Variants in PCDHGA4 observed in about 807,000 individuals in gnomAD.
PCDHGA4 encodes protocadherin gamma-A4.
In PCDHGA4, 38 loss-of-function variants were observed where a neutral mutation model predicts 54.6. The ratio of observed to expected loss-of-function variants is 0.70; its 90% CI spans 0.54 to 0.91. The LOEUF (loss-of-function observed/expected upper bound fraction) is 0.91, where lower values mean the gene tolerates loss of function less well. Ranked by LOEUF, PCDHGA4 falls within the 40% of genes least tolerant of loss-of-function variation. The pLI, the probability that PCDHGA4 is intolerant of heterozygous loss-of-function variation, is 0.00. For missense variants in PCDHGA4, 1,298 were observed against 1,220.9 expected (o/e 1.06, Z -0.94); for synonymous variants, 511 against 512.9 (o/e 1.00, Z 0.05).
intron 1 of PCDHGA4, chr5:141,394,655 G>A (rs780779279): frequency 2.7e-5 from 43 of 1,613,284 alleles, no homozygotes; most frequent in Admixed American, 5.0e-5. Flanking sequence ...CCAGCGAGCC[G>A]GGACTCTTCT....
chr5:141,422,259 C>T (rs751340056), intron 1 of PCDHGA4: 2 of 1,565,034 alleles, frequency 1.3e-6, no homozygotes, highest in Non-Finnish European at 1.7e-6. Flanking sequence ...TGAATGATAA[C>T]GCTCCAGAAA....
At chr5:141,370,453 T>G in intron 1 of PCDHGA4, 1 of 1,611,650 alleles carries the variant, frequency 6.2e-7, no homozygotes, top group Non-Finnish European at 8.5e-7. Flanking sequence ...CTATTTCTCT[T>G]CCTGCTCTCT....
At chr5:141,458,987 C>A (rs2098958554) in intron 1 of PCDHGA4, among the ~76,000 whole-genome samples, 1 of 152,168 alleles carries the variant, frequency 6.6e-6, no homozygotes, top group Non-Finnish European at 1.5e-5. Context: ...CCTGCCTCAC[C>A]CTCCCAAAGT....
chr5:141,460,959 A>G (rs892536901), intron 1 of PCDHGA4, among the ~76,000 whole-genome samples: 2 of 126,082 alleles, frequency 1.6e-5, no homozygotes, highest in African/African-American at 7.1e-5. Context: ...ATGTATATAT[A>G]TATGTGTGTG....
At chr5:141,413,330 T>C (rs770842309) in intron 1 of PCDHGA4, 1 of 1,613,930 alleles carries the variant, frequency 6.2e-7, no homozygotes. Context: ...GTGGGCAACA[T>C]CTCCAAGGAC....
intron 1 of PCDHGA4, among the ~76,000 whole-genome samples, chr5:141,488,236 T>A (rs1333427955): frequency 6.6e-6 from 1 of 152,154 alleles, no homozygotes; most frequent in Admixed American, 6.5e-5. Context: ...TTGAACTAGA[T>A]GCGGTAAATT....
In PCDHGA4 at chr5:141,487,883, G is replaced by A; in HGVS notation, c.2515-6924G>A. ...GGTGATCAAGAGCCAGGCTGTTGTG[G>A]AAGCATGATGATGGAATGTGGGAGC... is the stretch of plus-strand genomic sequence containing the variant. On this transcript the variant is annotated intron_variant, in intron 1 of 3. Transcript: ENST00000571252. This position sits in a 1 kb window ranked among gnomAD's most constrained non-coding sequence, Gnocchi z 5.0. The A allele has an allele frequency of 1.3e-6, 1 of 766,586 alleles. No homozygotes were observed. The highest frequency in any genetic ancestry group is 1.8e-5 in the South Asian group (1 of 55,094). 47.5% of individuals were successfully genotyped at this position (766,586 alleles called of 1,614,324 possible).
At chr5:141,393,189 A>G (rs1561640968) in intron 1 of PCDHGA4, 1 of 1,613,404 alleles carries the variant, frequency 6.2e-7, no homozygotes, top group Admixed American at 1.7e-5. Context: ...AATAATTGAT[A>G]TTAACGATAA....
At chr5:141,376,171 G>C (rs758847977) in intron 1 of PCDHGA4, 5 of 1,614,096 alleles carry the variant, frequency 3.1e-6, no homozygotes. Flanking sequence ...TGGTGGTGGC[G>C]GTGGCCGCGG....
intron 3 of PCDHGA4, among the ~76,000 whole-genome samples, chr5:141,510,553 A>G (rs1471878583): frequency 6.6e-6 from 1 of 152,162 alleles, no homozygotes; most frequent in Non-Finnish European, 1.5e-5. Context: ...TGTTTTGAGC[A>G]CTTACATCTA....
chr5:141,449,774 A>G (rs541830970), intron 1 of PCDHGA4, among the ~76,000 whole-genome samples: 2 of 151,714 alleles, frequency 1.3e-5, no homozygotes, highest in African/African-American at 4.8e-5. Flanking sequence ...AAGTTGTAGA[A>G]ATTATGTTTC....
chr5:141,404,142 C>CAGA (rs781433913), intron 1 of PCDHGA4: 9 of 1,612,668 alleles, frequency 5.6e-6, no homozygotes, highest in Non-Finnish European at 6.8e-6. Flanking sequence ...TTAGAAAATT[C>CAGA]AGAAGAAGAT....
At chr5:141,420,064 C>T (rs1204112062) in intron 1 of PCDHGA4, 1 of 1,614,052 alleles carries the variant, frequency 6.2e-7, no homozygotes, top group Non-Finnish European at 8.5e-7. Context: ...GCTCCAAGTC[C>T]GGACCTGTGG....
chr5:141,505,742 G>A (rs1024914690), intron 3 of PCDHGA4, among the ~76,000 whole-genome samples: 1 of 152,150 alleles, frequency 6.6e-6, no homozygotes, highest in Non-Finnish European at 1.5e-5. Flanking sequence ...TACAAGTCTA[G>A]CTCTGGAATG....
Position 141,490,013 on chromosome 5 carries a change from G to A in PCDHGA4, c.2515-4794G>A. 6.2e-7 allele frequency: 1 copy of A among 1,614,206 alleles called. No individual in the cohort carries two copies. The highest frequency in any genetic ancestry group is 1.1e-5 in the South Asian group (1 of 91,088). Reference sequence around the variant, plus strand: ...GGAATCCCAGAGAATGCACCCATTGGTACTCTGCTGCTCCGCCTCAATGCC... The same window carrying A: ...GGAATCCCAGAGAATGCACCCATTGATACTCTGCTGCTCCGCCTCAATGCC... On this transcript the variant is annotated intron_variant, in intron 1 of 3. Transcript: ENST00000571252. This position sits in a 1 kb window ranked among gnomAD's most constrained non-coding sequence, Gnocchi z 5.4.
Position 141,509,375 on chromosome 5 carries a change from T to C in PCDHGA4, c.2663-1572T>C, listed in dbSNP as rs1450730489. Among the ~76,000 whole-genome samples, 6 of 152,168 alleles carry C rather than the reference T, an allele frequency of 3.9e-5. No homozygotes were observed. In the East Asian group the frequency reaches 1.2e-3, roughly 29 times the overall value. On this transcript the variant is annotated intron_variant, in intron 3 of 3. Coordinates refer to ENST00000571252, the MANE Select transcript of PCDHGA4 (RefSeq NM_018917.4). ...GGGCATCCCTGAGGTTTTAACTGTC[T>C]CCTAACCACAGAGGATCTCAGGGCC...
At chr5:141,391,561 G>T (rs2092390304) in intron 1 of PCDHGA4, 2 of 152,026 alleles carry the variant, frequency 1.3e-5, no homozygotes. Flanking sequence ...TTTTCCATAT[G>T]CATAAGAAAA....
In PCDHGA4 at chr5:141,485,126, G is replaced by C; in HGVS notation, c.2515-9681G>C. ...TGCTGTGGCTGTTTGGGGCGGGTCG[G>C]CTTCATCCGCGTCTCAGGAGCAAGT... On this transcript the variant is annotated intron_variant, in intron 1 of 3. Transcript: ENST00000571252. The surrounding 1 kb of genome is among the most constrained non-coding windows in gnomAD (Gnocchi z 5.7). 1.4e-6 allele frequency: 2 copies of C among 1,432,378 alleles called. No homozygotes were observed. The highest frequency in any genetic ancestry group is 2.4e-5 in the South Asian group (2 of 81,724). 88.7% of individuals were successfully genotyped at this position (1,432,378 alleles called of 1,614,324 possible). A position where few individuals can be genotyped will look rare whatever the true frequency, so the allele number is the denominator to read the frequency against.
chr5:141,507,796 G>GGGAA (rs2099863457), intron 3 of PCDHGA4, among the ~76,000 whole-genome samples: 1 of 152,220 alleles, frequency 6.6e-6, no homozygotes, highest in Admixed American at 6.5e-5. Flanking sequence ...GTCTAAGCCT[G>GGGAA]CGCCCTGGGG....
Sources: allele counts gnomAD v4.1 joint callset (sites outside exome capture counted in the v4.1 genomes callset), GRCh38; gene constraint gnomAD v4.1.1; non-coding constraint Gnocchi (gnomAD v3.1); transcripts MANE v1.5; gene names NCBI Gene and HGNC (gene_info 2026-07-23, HGNC 2026-07-21).